The following ZNF280D variants were observed in gnomAD, a reference collection of about 807,000 sequenced individuals.
ZNF280D encodes the protein suppressor of hairy wing homolog 4.
Under a neutral mutation model 94.7 loss-of-function variants are expected in ZNF280D, and 39 were observed. The ratio of observed to expected loss-of-function variants is 0.41; its 90% CI spans 0.32 to 0.54. The LOEUF is 0.54. ZNF280D is among the 20% of genes least tolerant of loss of function. The pLI is 0.22. For missense variants in ZNF280D, 1,090 were observed against 1,149.3 expected, an observed-to-expected ratio of 0.95 and a Z score of 0.75; for synonymous variants, 398 against 377.6, an observed-to-expected ratio of 1.05 and a Z score of -0.63.
At chr15:56,675,783 A>T (rs1275398619) in intron 13 of ZNF280D, among the ~76,000 whole-genome samples, 1 of 152,072 alleles carries the variant, frequency 6.6e-6, no homozygotes, top group Non-Finnish European at 1.5e-5. Flanking sequence ...AATGCTGAAT[A>T]AATTGGCATG....
chr15:56,685,839 A>G (rs1464113378), intron 9 of ZNF280D, among the ~76,000 whole-genome samples: 1 of 152,216 alleles, frequency 6.6e-6, no homozygotes, highest in African/African-American at 2.4e-5. Context: ...AAATTTTAAC[A>G]GAACTAAGAC....
chr15:56,685,099 T>C (rs1012456408), intron 9 of ZNF280D, among the ~76,000 whole-genome samples: 3 of 152,158 alleles, frequency 2.0e-5, no homozygotes, highest in East Asian at 1.9e-4. Flanking sequence ...AAAATCCTGA[T>C]AGTGGGATTC....
At chr15:56,717,958 CA>C (rs2058135661) in intron 1 of ZNF280D, among the ~76,000 whole-genome samples, 1 of 151,982 alleles carries the variant, frequency 6.6e-6, no homozygotes, top group African/African-American at 2.4e-5. Context: ...GAAAGATCAT[CA>C]AAGAAAAATA....
At chr15:56,645,112 T>C (rs992081731) in intron 19 of ZNF280D, 1 of 152,178 alleles carries the variant, frequency 6.6e-6, no homozygotes, top group Non-Finnish European at 1.5e-5. Flanking sequence ...ATTAACACTT[T>C]TAGAAAAGAA....
In ZNF280D at chr15:56,648,207, T is replaced by C. The variant is rs2053009880; in HGVS notation, c.2214-5210A>G. On this transcript the variant is annotated intron_variant, in intron 19 of 21. Transcript: ENST00000267807. ...CTCTGCCTCTATATGTTTTCCACTC[T>C]AAAACATGCTGAGTATCACTGCTAA... 4.6e-5 allele frequency among the ~76,000 whole-genome samples: 7 copies of C among 152,214 alleles called. No individual in the cohort carries two copies. The South Asian group carries it at 1.0e-3, about 23-fold the overall frequency.
rs912178348 is a variant in ZNF280D at position 56,654,034 on chromosome 15, G to A, written c.2213+164C>T. 2.6e-5 allele frequency: 38 copies of A among 1,452,672 alleles called. No homozygotes were observed. In the South Asian group the frequency reaches 3.8e-4, roughly 15 times the overall value. The allele number at this position is 1,452,672 out of a possible 1,614,324, so 90.0% of individuals were successfully genotyped here. On this transcript the variant is annotated intron_variant, in intron 19 of 21. Coordinates refer to ENST00000267807, the MANE Select transcript of ZNF280D (RefSeq NM_017661.4). ...TCCAACTTGTCTTGCACCAGGTCAC[G>A]AGCTCCATAGAGCAGGAACCTATTT...
At chr15:56,718,359 T>G (rs1292630969) in intron 1 of ZNF280D, among the ~76,000 whole-genome samples, 1 of 152,178 alleles carries the variant, frequency 6.6e-6, no homozygotes, top group African/African-American at 2.4e-5. Context: ...TTCATTTTAA[T>G]AAAGATGTTT....
intron 1 of ZNF280D, among the ~76,000 whole-genome samples, chr15:56,724,053 CT>C (rs2058511019): frequency 6.6e-6 from 1 of 151,972 alleles, no homozygotes; most frequent in Non-Finnish European, 1.5e-5. Flanking sequence ...CTGTTGCTGC[CT>C]AGTATCACAA....
intron 6 of ZNF280D, among the ~76,000 whole-genome samples, chr15:56,693,752 G>A (rs1172137053): frequency 2.0e-5 from 3 of 152,002 alleles, no homozygotes; most frequent in Non-Finnish European, 2.9e-5. Flanking sequence ...GCAAACAAAC[G>A]GAATCAATCT....
At chr15:56,726,747 A>G (rs1375622890) in intron 1 of ZNF280D, among the ~76,000 whole-genome samples, 2 of 152,230 alleles carry the variant, frequency 1.3e-5, no homozygotes, top group Non-Finnish European at 2.9e-5. Flanking sequence ...AGTTTTGCAA[A>G]AATATTGCAT....
chr15:56,718,905 A>G (rs1412081181), intron 1 of ZNF280D, among the ~76,000 whole-genome samples: 1 of 152,142 alleles, frequency 6.6e-6, no homozygotes, highest in Admixed American at 6.5e-5. Flanking sequence ...TTTTAACACC[A>G]TTTCTTGAAA....
At chr15:56,641,531 G>A (rs1319685758) in intron 20 of ZNF280D, among the ~76,000 whole-genome samples, 5 of 151,724 alleles carry the variant, frequency 3.3e-5, no homozygotes, top group Non-Finnish European at 5.9e-5. Flanking sequence ...TTTTAATGTC[G>A]TTTTTAGACC....
intron 20 of ZNF280D, among the ~76,000 whole-genome samples, chr15:56,637,507 T>G (rs1400245350): frequency 2.6e-5 from 4 of 152,090 alleles, no homozygotes; most frequent in Non-Finnish European, 5.9e-5. Context: ...GAGACCATCC[T>G]CCTCAACAAA....
chr15:56,650,841 G>C (rs906207550), intron 19 of ZNF280D, among the ~76,000 whole-genome samples: 3 of 152,058 alleles, frequency 2.0e-5, no homozygotes, highest in Admixed American at 2.0e-4. Context: ...AAACAGAAAA[G>C]AACAATTTCA....
At chr15:56,713,362 T>C (rs1197160888) in intron 1 of ZNF280D, among the ~76,000 whole-genome samples, 1 of 152,234 alleles carries the variant, frequency 6.6e-6, no homozygotes, top group African/African-American at 2.4e-5. Flanking sequence ...AATTTACTTA[T>C]ATACTTAAAA....
intron 19 of ZNF280D, among the ~76,000 whole-genome samples, chr15:56,647,707 T>G (rs138863320): frequency 6.6e-6 from 1 of 152,170 alleles, no homozygotes; most frequent in East Asian, 1.9e-4. Flanking sequence ...TTTTTATACT[T>G]TTTTGTAGAG....
Position 56,673,476 on chromosome 15 carries a change from C to T in ZNF280D, c.1410+3194G>A, listed in dbSNP as rs1396696316. 2.0e-5 allele frequency among the ~76,000 whole-genome samples: 3 copies of T among 152,046 alleles called. No individual in the cohort carries two copies. In the East Asian group the frequency reaches 5.8e-4, roughly 29 times the overall value. On this transcript the variant is annotated intron_variant, in intron 13 of 21. Coordinates refer to ENST00000267807, the MANE Select transcript of ZNF280D (RefSeq NM_017661.4). ...CATTACCTCGTTCAACGATTGCTAC[C>T]ATACTGGCCCAAGCCACTTACCTGG...
chr15:56,722,012 C>A (rs1346012161), intron 1 of ZNF280D, among the ~76,000 whole-genome samples: 1 of 152,160 alleles, frequency 6.6e-6, no homozygotes, highest in Non-Finnish European at 1.5e-5. Context: ...TATACTTGAA[C>A]ACTTACAGGC....
chr15:56,702,959 ACG>A (rs1403144540), intron 4 of ZNF280D, among the ~76,000 whole-genome samples: 3 of 138,086 alleles, frequency 2.2e-5, no homozygotes, highest in Admixed American at 7.4e-5. Flanking sequence ...ACACACACAC[ACG>A]CTGGTAAACT....
Sources: allele counts gnomAD v4.1 joint callset (sites outside exome capture counted in the v4.1 genomes callset), GRCh38; gene constraint gnomAD v4.1.1; transcripts MANE v1.5; gene names NCBI Gene and HGNC (gene_info 2026-07-23, HGNC 2026-07-21).